Variants in BBX observed in about 807,000 individuals in gnomAD.
BBX encodes HMG box transcription factor BBX.
A neutral mutation model predicts 100.2 loss-of-function variants in BBX; 30 were observed. The observed-to-expected ratio is 0.30, with a 90% CI of 0.22 to 0.41. The LOEUF (loss-of-function observed/expected upper bound fraction) is 0.41. BBX is among the 10% of genes least tolerant of loss of function. BBX has a pLI of 1.00. For missense variants in BBX, 1,023 were observed against 1,129.8 expected, an observed-to-expected ratio of 0.91 and a Z score of 1.35; for synonymous variants, 376 against 388.1, an observed-to-expected ratio of 0.97 and a Z score of 0.37.
At chr3:107,754,349 A>G (rs2065309598) in intron 9 of BBX, among the ~76,000 whole-genome samples, 1 of 152,236 alleles carries the variant, frequency 6.6e-6, no homozygotes, top group Non-Finnish European at 1.5e-5. Flanking sequence ...AAATTCGGCC[A>G]GAAGAAAATA....
intron 2 of BBX, among the ~76,000 whole-genome samples, chr3:107,537,933 A>C (rs1370560066): frequency 1.3e-5 from 2 of 152,248 alleles, no homozygotes; most frequent in African/African-American, 4.8e-5. Context: ...TTCAAAGCTC[A>C]CATCAGTAAT....
At chr3:107,638,184 T>A (rs1439235631) in intron 2 of BBX, among the ~76,000 whole-genome samples, 3 of 151,740 alleles carry the variant, frequency 2.0e-5, no homozygotes, top group Non-Finnish European at 4.4e-5. Context: ...CCCAAGTAGC[T>A]GAGACTATAG....
Position 107,698,928 on chromosome 3 carries a change from G to A in BBX, c.-9-11524G>A, listed in dbSNP as rs542743415. ...TCTGAAACAGAGGGTCACAGAGCAG[G>A]GCATGGCAAGGACGGATTAGAAAAG... is the stretch of plus-strand genomic sequence containing the variant. On this transcript the variant is annotated intron_variant, in intron 3 of 17. Coordinates refer to ENST00000325805, the MANE Select transcript of BBX (RefSeq NM_001142568.3). 5.9e-5 allele frequency among the ~76,000 whole-genome samples: 9 copies of A among 151,838 alleles called. No individual in the cohort carries two copies. In the South Asian group the frequency reaches 1.9e-3, roughly 32 times the overall value.
intron 3 of BBX, among the ~76,000 whole-genome samples, chr3:107,685,508 T>G (rs2059795085): frequency 6.6e-6 from 1 of 152,248 alleles, no homozygotes; most frequent in South Asian, 2.1e-4. Context: ...CTATTCCCTT[T>G]CCTTCTCAGC....
chr3:107,571,922 A>G (rs139531130), intron 2 of BBX, among the ~76,000 whole-genome samples: 42 of 152,324 alleles, frequency 2.8e-4, no homozygotes, highest in African/African-American at 9.9e-4. Flanking sequence ...GTTCACTTTA[A>G]TCCACCTGTT....
At chr3:107,593,042 T>C (rs550954328) in intron 2 of BBX, among the ~76,000 whole-genome samples, 2 of 152,368 alleles carry the variant, frequency 1.3e-5, no homozygotes, top group South Asian at 4.1e-4. Context: ...CTTAAAGTCT[T>C]ACTGGTGTTC....
chr3:107,567,287 T>G (rs1019141597), intron 2 of BBX, among the ~76,000 whole-genome samples: 2 of 152,156 alleles, frequency 1.3e-5, no homozygotes, highest in Non-Finnish European at 2.9e-5. Flanking sequence ...GAATTTGTTA[T>G]TCCTAGCCTT....
At chr3:107,742,549 A>G (rs956163089) in intron 7 of BBX, among the ~76,000 whole-genome samples, 1 of 152,204 alleles carries the variant, frequency 6.6e-6, no homozygotes, top group South Asian at 2.1e-4. Context: ...CCACTAGAGT[A>G]AAATCCACAG....
At chr3:107,554,447 A>T (rs638030) in intron 2 of BBX, among the ~76,000 whole-genome samples, 1 of 151,962 alleles carries the variant, frequency 6.6e-6, no homozygotes, top group African/African-American at 2.4e-5. Context: ...TCTTGTGTTG[A>T]TTCCTTGGTT....
chr3:107,544,558 C>T (rs970989899), intron 2 of BBX, among the ~76,000 whole-genome samples: 4 of 152,036 alleles, frequency 2.6e-5, no homozygotes, highest in African/African-American at 4.8e-5. Context: ...TTTGTAAAAT[C>T]GTTACTTTAA....
chr3:107,807,291 T>A lies in BBX; in HGVS notation c.*1834T>A, dbSNP rs1420958194. ...CTGGTGGGGATGGAGGAAGAAGGCA[T>A]TAGTAAAAGGTTAATCAAACGTTAC... On this transcript the variant is annotated 3_prime_UTR_variant, in exon 18 of 18. Transcript: ENST00000325805. 4.6e-5 allele frequency: 7 copies of A among 152,156 alleles called. No individual in the cohort carries two copies. Among genetic ancestry groups the A allele is most frequent in the African/African-American group, 1.7e-4 (7 of 41,440 alleles). The allele number at this position is 152,156 out of a possible 1,614,324, so 9.4% of individuals were successfully genotyped here.
Position 107,778,481 on chromosome 3 carries a change from C to T in BBX, c.2165C>T (p.Thr722Ile). The change falls in exon 13 of 18, where the codon ACT becomes ATT. Residue 722 changes from threonine to isoleucine, a missense_variant. By Grantham distance (89) the Thr-to-Ile change is moderately conservative (BLOSUM62 -1). Transcript: ENST00000325805. ...CVPVPRKKKK[T>I]GNVSSEPTKT... ...CCTGTCCCAAGAAAAAAGAAGAAGA[C>T]TGGAAATGTGTCCTCAGAACCGACT... 3 of 1,613,298 alleles carry T rather than the reference C, an allele frequency of 1.9e-6. No individual in the cohort carries two copies. The highest frequency in any genetic ancestry group is 2.5e-6 in the Non-Finnish European group (3 of 1,179,480).
At chr3:107,584,937 C>T (rs143598275) in intron 2 of BBX, among the ~76,000 whole-genome samples, 1,561 of 152,032 alleles carry the variant, frequency 0.01, 29 homozygotes, top group African/African-American at 0.036. Flanking sequence ...CCACCTCGTC[C>T]TCCCAAAGTG....
Position 107,667,673 on chromosome 3 carries a change from TA to T in BBX, c.-10+21765del, listed in dbSNP as rs2058823678. ...AATTAAGAATAAATTTTGAACTGCA[TA>T]TTTTTTACTCTTATTATCTATTATA... On this transcript the variant is annotated intron_variant, in intron 3 of 17. Transcript: ENST00000325805. Among the ~76,000 whole-genome samples, 3 of 151,996 alleles carry T rather than the reference TA, an allele frequency of 2.0e-5. No homozygotes were observed. The South Asian group carries it at 6.2e-4, about 31-fold the overall frequency.
At chr3:107,798,473 T>C in intron 15 of BBX, 50 bp from the exon 16 acceptor site, 2 of 1,548,528 alleles carry the variant, frequency 1.3e-6, no homozygotes, top group South Asian at 2.2e-5. Context: ...AGAGCAATTT[T>C]GGTGCCTTCT....
chr3:107,660,649 G>A (rs1298957875), intron 3 of BBX, among the ~76,000 whole-genome samples: 1 of 151,912 alleles, frequency 6.6e-6, no homozygotes, highest in Non-Finnish European at 1.5e-5. Flanking sequence ...TTGATACACA[G>A]TTGAATAGAA....
At chr3:107,634,820 C>A (rs902865681) in intron 2 of BBX, among the ~76,000 whole-genome samples, 1 of 152,172 alleles carries the variant, frequency 6.6e-6, no homozygotes, top group Non-Finnish European at 1.5e-5. Flanking sequence ...TTTAATGATT[C>A]CTTTCTTTCT....
At chr3:107,794,836 G>A (rs950017145) in intron 15 of BBX, among the ~76,000 whole-genome samples, 10 of 152,168 alleles carry the variant, frequency 6.6e-5, no homozygotes, top group Non-Finnish European at 1.5e-4. Context: ...TACAATACAA[G>A]AGCAATGCTG....
chr3:107,663,995 C>T (rs1288812846), intron 3 of BBX, among the ~76,000 whole-genome samples: 2 of 151,924 alleles, frequency 1.3e-5, no homozygotes, highest in African/African-American at 4.8e-5. Flanking sequence ...TTAGTAGAGA[C>T]GAGGTTTCAC....
Sources: allele counts gnomAD v4.1 joint callset (sites outside exome capture counted in the v4.1 genomes callset), GRCh38; gene constraint gnomAD v4.1.1; transcripts MANE v1.5; gene names NCBI Gene and HGNC (gene_info 2026-07-23, HGNC 2026-07-21).